ESR2: variants seen among roughly 807,000 people sequenced by gnomAD.
The protein encoded by ESR2 is estrogen receptor beta.
Under a neutral mutation model 49.6 loss-of-function variants are expected in ESR2, and 36 were observed. That is an observed-to-expected ratio of 0.73 (90% CI 0.56 to 0.96). The LOEUF (loss-of-function observed/expected upper bound fraction) is 0.96, where lower values mean the gene tolerates loss of function less well. ESR2 is among the 40% of genes least tolerant of loss of function. The pLI, the probability that ESR2 is intolerant of heterozygous loss-of-function variation, is 0.00. For synonymous variants in ESR2, 320 were observed against 266.1 expected, an observed-to-expected ratio of 1.20 and a Z score of -1.97; for missense variants, 714 against 693.0, an observed-to-expected ratio of 1.03 and a Z score of -0.34.
intron 1 of ESR2, among the ~76,000 whole-genome samples, chr14:64,290,574 T>C (rs2076855604): frequency 6.6e-6 from 1 of 152,022 alleles, no homozygotes; most frequent in Non-Finnish European, 1.5e-5. Flanking sequence ...AGCTAATTTT[T>C]TGTATTCTTA....
Position 64,276,811 on chromosome 14 carries a change from C to T in ESR2, c.535+3170G>A, listed in dbSNP as rs185023746. On this transcript the variant is annotated intron_variant, in intron 3 of 8. Coordinates refer to ENST00000341099, the MANE Select transcript of ESR2 (RefSeq NM_001437.3). ...AAATTTAACAACAGAAATGCTTATACGACAATATTAAGTGAAAAATGATAC... is the reference window on the plus strand; with the variant it reads ...AAATTTAACAACAGAAATGCTTATATGACAATATTAAGTGAAAAATGATAC... 1.2e-4 allele frequency among the ~76,000 whole-genome samples: 19 copies of T among 152,154 alleles called. No homozygotes were observed. The South Asian group carries it at 1.7e-3, about 13-fold the overall frequency.
intron 1 of ESR2, among the ~76,000 whole-genome samples, chr14:64,311,962 CCTTCT>C (rs2077192949): frequency 6.6e-6 from 1 of 152,154 alleles, no homozygotes; most frequent in African/African-American, 2.4e-5. Context: ...AATAGGCTTT[CCTTCT>C]CTTGAGTTTT....
intron 1 of ESR2, among the ~76,000 whole-genome samples, chr14:64,292,836 ATACAT>A: frequency 6.6e-6 from 1 of 152,334 alleles, no homozygotes; most frequent in East Asian, 1.9e-4. Flanking sequence ...TGAATTATAA[ATACAT>A]TAAGAAATGT....
intron 5 of ESR2, chr14:64,260,246 A>C: frequency 2.6e-6 from 2 of 765,206 alleles, no homozygotes; most frequent in East Asian, 4.9e-5. Context: ...CAGAATTCTA[A>C]ATCAGAACAC....
chr14:64,274,329 T>C (rs1302762796), intron 3 of ESR2, among the ~76,000 whole-genome samples: 1 of 152,168 alleles, frequency 6.6e-6, no homozygotes, highest in African/African-American at 2.4e-5. Context: ...CATAGTTCAA[T>C]CTTAACAGTA....
At chr14:64,262,676 G>T (rs1026972856) in intron 4 of ESR2, among the ~76,000 whole-genome samples, 1 of 152,028 alleles carries the variant, frequency 6.6e-6, no homozygotes, top group Non-Finnish European at 1.5e-5. Flanking sequence ...CGGGTGGGGC[G>T]GGAGGGGACG....
intron 1 of ESR2, among the ~76,000 whole-genome samples, chr14:64,315,243 C>CAAAAAAAAAAAAA (rs201805001): frequency 2.1e-5 from 1 of 46,800 alleles, no homozygotes; most frequent in Non-Finnish European, 4.4e-5. Flanking sequence ...GAGTCTGTCT[C>CAAAAAAAAAAAAA]AAAAAAAAAA....
chr14:64,287,120 G>A (rs554502379), intron 1 of ESR2, among the ~76,000 whole-genome samples: 25 of 152,036 alleles, frequency 1.6e-4, no homozygotes, highest in African/African-American at 5.8e-4. Flanking sequence ...TAGTGTTAAG[G>A]ATATTCACAT....
Position 64,237,539 on chromosome 14 carries a change from C to T in ESR2, c.1226-2389G>A, listed in dbSNP as rs116871427. Among the ~76,000 whole-genome samples, 12 of 152,304 alleles carry T rather than the reference C, an allele frequency of 7.9e-5. No homozygotes were observed. In the East Asian group the frequency reaches 2.3e-3, roughly 29 times the overall value. On this transcript the variant is annotated intron_variant, in intron 7 of 8. Coordinates refer to ENST00000341099, the MANE Select transcript of ESR2 (RefSeq NM_001437.3). ...AAGGAGCCAAAATTGTGTGCCTGTACATGTCTCAGTTCAAAGTGACAAAGA... is the reference window on the plus strand; with the variant it reads ...AAGGAGCCAAAATTGTGTGCCTGTATATGTCTCAGTTCAAAGTGACAAAGA...
At chr14:64,333,654 C>T (rs2140910005) in intron 1 of ESR2, among the ~76,000 whole-genome samples, 1 of 152,132 alleles carries the variant, frequency 6.6e-6, no homozygotes, top group Non-Finnish European at 1.5e-5. Flanking sequence ...AGAATGAGAG[C>T]CAAACAAGAG....
intron 1 of ESR2, among the ~76,000 whole-genome samples, chr14:64,325,349 A>G (rs1406547127): frequency 1.3e-5 from 2 of 152,178 alleles, no homozygotes; most frequent in Non-Finnish European, 2.9e-5. Context: ...AAAATTATTC[A>G]TGAAATGATG....
intron 1 of ESR2, among the ~76,000 whole-genome samples, chr14:64,290,489 G>T (rs948523429): frequency 1.3e-5 from 2 of 152,060 alleles, no homozygotes; most frequent in African/African-American, 4.8e-5. Context: ...TGTAAACTCG[G>T]CCTCCCAGGT....
intron 1 of ESR2, among the ~76,000 whole-genome samples, chr14:64,328,671 T>C (rs2077418430): frequency 6.6e-6 from 1 of 152,236 alleles, no homozygotes; most frequent in South Asian, 2.1e-4. Flanking sequence ...TTCTGCAGAC[T>C]GTACTAGAAG....
intron 1 of ESR2, among the ~76,000 whole-genome samples, chr14:64,289,634 T>C (rs972596699): frequency 6.6e-6 from 1 of 152,192 alleles, no homozygotes; most frequent in African/African-American, 2.4e-5. Flanking sequence ...TTAGTGTTGG[T>C]TGGAATTTCC....
At chr14:64,308,821 A>C (rs1366287454) in intron 1 of ESR2, among the ~76,000 whole-genome samples, 1 of 152,138 alleles carries the variant, frequency 6.6e-6, no homozygotes, top group East Asian at 1.9e-4. Flanking sequence ...CCTGTCACCC[A>C]GGCTGGAGTG....
At chr14:64,323,514 GTTA>G (rs10564800) in intron 1 of ESR2, among the ~76,000 whole-genome samples, 54,405 of 151,718 alleles carry the variant, frequency 0.36, 10,411 homozygotes, top group African/African-American at 0.49. Context: ...CCAAGCACAC[GTTA>G]TTTTGTACAA....
chr14:64,247,355 A>G (rs2075885013), intron 7 of ESR2, among the ~76,000 whole-genome samples: 1 of 151,922 alleles, frequency 6.6e-6, no homozygotes. Flanking sequence ...AAACAAAAAA[A>G]CTAGTGCCAA....
At chr14:64,228,091 A>ATGAAATTGTTCTT (rs1265060468), downstream of ESR2, 3 of 1,342,614 alleles carry the variant, frequency 2.2e-6, no homozygotes, top group South Asian at 5.7e-5. Flanking sequence ...CTGACTAAAG[A>ATGAAATTGTTCTT]TGAAATTGTT....
chr14:64,244,706 T>C (rs1291339228), intron 7 of ESR2, among the ~76,000 whole-genome samples: 1 of 152,230 alleles, frequency 6.6e-6, no homozygotes, highest in Non-Finnish European at 1.5e-5. Flanking sequence ...CACTGAGCCA[T>C]GCTACTGGCT....
Sources: allele counts gnomAD v4.1 joint callset (sites outside exome capture counted in the v4.1 genomes callset), GRCh38; gene constraint gnomAD v4.1.1; transcripts MANE v1.5; gene names NCBI Gene and HGNC (gene_info 2026-07-23, HGNC 2026-07-21).